Variants in PIWIL1 observed in about 807,000 individuals in gnomAD.
PIWIL1 encodes the protein piwi-like protein 1.
Under a neutral mutation model 114.4 loss-of-function variants are expected in PIWIL1, and 73 were observed. The observed-to-expected ratio is 0.64, with a 90% CI of 0.53 to 0.78. The LOEUF (loss-of-function observed/expected upper bound fraction) is 0.78, where lower values mean the gene tolerates loss of function less well. Among genes scored for constraint, PIWIL1 ranks in the 30% least tolerant of loss-of-function variants. PIWIL1 has a pLI of 0.00. For missense variants in PIWIL1, 723 were observed against 1,063.1 expected, an observed-to-expected ratio of 0.68 and a Z score of 4.45; for synonymous variants, 375 against 369.0, an observed-to-expected ratio of 1.02 and a Z score of -0.19.
intron 3 of PIWIL1, among the ~76,000 whole-genome samples, chr12:130,343,427 A>G (rs1231239543): frequency 1.3e-5 from 2 of 152,202 alleles, no homozygotes; most frequent in African/African-American, 4.8e-5. Context: ...TACATGGGAT[A>G]ACAAATGAAG....
chr12:130,363,410 C>G (rs1386335500), intron 18 of PIWIL1, among the ~76,000 whole-genome samples: 2 of 152,070 alleles, frequency 1.3e-5, no homozygotes, highest in East Asian at 3.9e-4. Flanking sequence ...TTCTTTCTTA[C>G]CTAAGGCCTT....
At chr12:130,402,012 G>C in the PIWIL1 span, among the ~76,000 whole-genome samples, 2 of 152,224 alleles carry the variant, frequency 1.3e-5, no homozygotes, top group African/African-American at 4.8e-5. Flanking sequence ...TGAGTAGAAT[G>C]TGGGTGGAAC....
chr12:130,349,185 G>A, intron 7 of PIWIL1, 54 bp from the exon 8 acceptor site: 1 of 1,347,216 alleles, frequency 7.4e-7, no homozygotes, highest in Non-Finnish European at 1.1e-6. Context: ...CTTAGTGTGT[G>A]CAGAATGTGT....
the PIWIL1 span, among the ~76,000 whole-genome samples, chr12:130,423,857 C>T: frequency 6.6e-6 from 1 of 151,964 alleles, no homozygotes; most frequent in Non-Finnish European, 1.5e-5. Context: ...TTCAGCTAAC[C>T]CTTAATTAAA....
chr12:130,352,629 G>A (rs2073242652), intron 9 of PIWIL1, among the ~76,000 whole-genome samples: 2 of 152,302 alleles, frequency 1.3e-5, no homozygotes, highest in South Asian at 2.1e-4. Context: ...GCAGTGAGCC[G>A]AGACAGCACT....
At chr12:130,348,674 G>A (rs552096310) in intron 7 of PIWIL1, among the ~76,000 whole-genome samples, 22 of 152,224 alleles carry the variant, frequency 1.4e-4, no homozygotes, top group African/African-American at 4.8e-4. Context: ...AGTCCAAGGC[G>A]GGTGGATCAC....
chr12:130,410,318 T>C, the PIWIL1 span, among the ~76,000 whole-genome samples: 1 of 152,246 alleles, frequency 6.6e-6, no homozygotes, highest in Non-Finnish European at 1.5e-5. Context: ...AAGGATTTTC[T>C]GCCAGCCTGT....
chr12:130,339,414 T>G (rs943360221), intron 1 of PIWIL1: 1 of 152,250 alleles, frequency 6.6e-6, no homozygotes, highest in African/African-American at 2.4e-5. Flanking sequence ...TCGCATAGAA[T>G]GTACCGCTCA....
In PIWIL1 at chr12:130,338,132, G is replaced by C; in HGVS notation, c.-27G>C. 3.3e-6 allele frequency: 1 copy of C among 304,566 alleles called. No homozygotes were observed. The highest frequency in any genetic ancestry group is 2.5e-5 in the South Asian group (1 of 39,426). 18.9% of individuals were successfully genotyped at this position (304,566 alleles called of 1,614,324 possible). A position where few individuals can be genotyped will look rare whatever the true frequency, so the allele number is the denominator to read the frequency against. ...GGTGCAAGGACCAGGACTAGGGCGA[G>C]GGCAGCGGTCCAAGGTGCGGGGCCA... On this transcript the variant is annotated 5_prime_UTR_variant, in exon 1 of 21. Transcript: ENST00000245255.
chr12:130,422,384 G>T, the PIWIL1 span: 1 of 1,114,584 alleles, frequency 9.0e-7, no homozygotes, highest in East Asian at 2.4e-5. The surrounding 1 kb of genome is among the most constrained non-coding windows in gnomAD (Gnocchi z 5.2). Flanking sequence ...TTTTGTTCAT[G>T]CTTAGATGGA....
At chr12:130,383,317 A>G in the PIWIL1 span, 1 of 152,172 alleles carries the variant, frequency 6.6e-6, no homozygotes, top group Non-Finnish European at 1.5e-5. Flanking sequence ...CGTGTTCCCT[A>G]TGAGAATCGG....
At chr12:130,419,450 C>T in the PIWIL1 span, 2 of 152,232 alleles carry the variant, frequency 1.3e-5, no homozygotes, top group African/African-American at 4.8e-5. This position sits in a 1 kb window ranked among gnomAD's most constrained non-coding sequence, Gnocchi z 4.3. Flanking sequence ...CTACCTGGCC[C>T]AGACCGACTG....
chr12:130,375,510 C>G (rs772919883), downstream of PIWIL1, among the ~76,000 whole-genome samples: 1 of 152,214 alleles, frequency 6.6e-6, no homozygotes, highest in Non-Finnish European at 1.5e-5. Context: ...GCTCTGCAGC[C>G]CGGTGTTGTG....
chr12:130,346,389 A>C lies in PIWIL1; in HGVS notation c.336A>C (p.Val112=). 6.2e-7 allele frequency: 1 copy of C among 1,613,334 alleles called. No individual in the cohort carries two copies. Among genetic ancestry groups the C allele is most frequent in the Middle Eastern group, 1.7e-4 (1 of 6,058 alleles). Residue 112 remains valine (V), a synonymous_variant, in exon 5 of 21, where the codon GTA becomes GTC. Transcript: ENST00000245255. ...ESKTGSSGII[V]RLSTNHFRLT... is the part of the protein sequence containing the mutation. ...TTCCAGGTTCTTCAGGCATTATAGT[A>C]AGGTTAAGCACTAACCATTTCCGGC...
the PIWIL1 span, chr12:130,424,577 C>G: frequency 8.1e-7 from 1 of 1,231,986 alleles, no homozygotes; most frequent in Non-Finnish European, 1.0e-6. The surrounding 1 kb of genome is among the most constrained non-coding windows in gnomAD (Gnocchi z 9.8). Context: ...GAAGGAAGTC[C>G]TCCACGTGGG....
At chr12:130,347,170 A>G (rs2073092146) in intron 6 of PIWIL1, 108 bp downstream of exon 6, 2 of 826,050 alleles carry the variant, frequency 2.4e-6, no homozygotes, top group Non-Finnish European at 3.9e-6. Context: ...GGTTGGGATT[A>G]TTGAGTTTCT....
chr12:130,399,633 T>G, the PIWIL1 span: 1 of 1,607,196 alleles, frequency 6.2e-7, no homozygotes, highest in South Asian at 1.1e-5. Flanking sequence ...AGACCACATA[T>G]GGCAGAACGG....
the PIWIL1 span, chr12:130,396,125 A>AAAC: frequency 6.6e-6 from 1 of 152,648 alleles, no homozygotes; most frequent in Non-Finnish European, 1.5e-5. Context: ...CAAAGAGAAT[A>AAAC]AACAGTGTTG....
At chr12:130,405,783 T>TTTTGC in the PIWIL1 span, among the ~76,000 whole-genome samples, 37 of 151,702 alleles carry the variant, frequency 2.4e-4, no homozygotes, top group Middle Eastern at 3.4e-3. Context: ...TTTTGTTTTG[T>TTTTGC]TTTTGCTTAT....
Sources: allele counts gnomAD v4.1 joint callset (sites outside exome capture counted in the v4.1 genomes callset), GRCh38; gene constraint gnomAD v4.1.1; non-coding constraint Gnocchi (gnomAD v3.1); transcripts MANE v1.5; gene names NCBI Gene and HGNC (gene_info 2026-07-23, HGNC 2026-07-21).